Variants in PTPN4 observed in about 807,000 individuals in gnomAD.
PTPN4 encodes tyrosine-protein phosphatase non-receptor type 4.
Under a neutral mutation model 135.5 loss-of-function variants are expected in PTPN4, and 49 were observed. That is an observed-to-expected ratio of 0.36 (90% CI 0.29 to 0.46). PTPN4 has a LOEUF of 0.46. Ranked by LOEUF, PTPN4 falls within the 20% of genes least tolerant of loss-of-function variation. The pLI is 1.00. For synonymous variants in PTPN4, 333 were observed against 369.9 expected (o/e 0.90, Z 1.14); for missense variants, 860 against 1,101.0 (o/e 0.78, Z 3.10).
At chr2:119,796,590 A>G (rs901410768) in intron 1 of PTPN4, among the ~76,000 whole-genome samples, 2 of 152,218 alleles carry the variant, frequency 1.3e-5, no homozygotes, top group African/African-American at 2.4e-5. Context: ...GTCAATTAAT[A>G]TCACATATGA....
intron 3 of PTPN4, among the ~76,000 whole-genome samples, chr2:119,865,361 C>T (rs907243696): frequency 6.6e-6 from 1 of 152,050 alleles, no homozygotes; most frequent in Non-Finnish European, 1.5e-5. Context: ...AAATAATATT[C>T]CATTTTATTC....
intron 5 of PTPN4, among the ~76,000 whole-genome samples, chr2:119,880,599 T>C (rs1006368453): frequency 6.6e-5 from 10 of 151,530 alleles, no homozygotes; most frequent in African/African-American, 2.4e-4. Flanking sequence ...CTGGCTAATT[T>C]TTTTTTTTTT....
At chr2:119,954,636 T>C (rs1011131827) in intron 19 of PTPN4, among the ~76,000 whole-genome samples, 5 of 152,154 alleles carry the variant, frequency 3.3e-5, no homozygotes, top group Non-Finnish European at 5.9e-5. Context: ...AGGCCTAGGA[T>C]CTAGGGTCTG....
At chr2:119,836,253 C>T (rs1178264131) in intron 2 of PTPN4, among the ~76,000 whole-genome samples, 1 of 152,126 alleles carries the variant, frequency 6.6e-6, no homozygotes, top group Non-Finnish European at 1.5e-5. Flanking sequence ...AGCTAGGAGC[C>T]CAGATTTGGC....
At chr2:119,922,237 A>G (rs1678747749) in intron 12 of PTPN4, among the ~76,000 whole-genome samples, 1 of 150,220 alleles carries the variant, frequency 6.7e-6, no homozygotes, top group Admixed American at 6.6e-5. Context: ...AAAAAAAAAA[A>G]AAAGATCGGC....
intron 13 of PTPN4, among the ~76,000 whole-genome samples, chr2:119,928,395 T>C (rs1448682192): frequency 6.6e-6 from 1 of 152,176 alleles, no homozygotes; most frequent in Non-Finnish European, 1.5e-5. Context: ...AATAATAGTT[T>C]ATTACATTAT....
At chr2:119,951,950 A>G (rs1221173083) in intron 18 of PTPN4, 23 bp from the exon 19 acceptor site, 1 of 1,551,720 alleles carries the variant, frequency 6.4e-7, no homozygotes, top group East Asian at 2.3e-5. Context: ...CCAATCTGAA[A>G]CCTTATCTAT....
At chr2:119,940,283 A>C (rs1270852194) in intron 15 of PTPN4, among the ~76,000 whole-genome samples, 1 of 152,244 alleles carries the variant, frequency 6.6e-6, no homozygotes, top group Non-Finnish European at 1.5e-5. Context: ...TCATTATCAG[A>C]ATAAAGTAGC....
At chr2:119,815,690 C>T (rs564341498) in intron 2 of PTPN4, among the ~76,000 whole-genome samples, 1 of 151,882 alleles carries the variant, frequency 6.6e-6, no homozygotes, top group East Asian at 1.9e-4. Context: ...TATTCATGTA[C>T]ATTATTTAAT....
chr2:119,919,513 G>T (rs1247739353), intron 11 of PTPN4, among the ~76,000 whole-genome samples: 2 of 152,106 alleles, frequency 1.3e-5, no homozygotes, highest in South Asian at 4.1e-4. Flanking sequence ...TAAGGTTAAA[G>T]TTCCTAAGAG....
chr2:119,809,829 T>A lies in PTPN4; in HGVS notation c.-17-8T>A, dbSNP rs758414276. 16 of 1,552,846 alleles carry A rather than the reference T, an allele frequency of 1.0e-5. No homozygotes were observed. In the African/African-American group the frequency reaches 2.2e-4, roughly 22 times the overall value. On this transcript the variant is annotated splice_polypyrimidine_tract_variant and splice_region_variant and intron_variant, in intron 1 of 26. Transcript: ENST00000263708. ...TTTATTTAGTGAATTTTTTTTTTTT[T>A]AACTTAGACTTTGTGTGGACAGTAA...
chr2:119,797,041 C>G (rs1054847498), intron 1 of PTPN4, among the ~76,000 whole-genome samples: 1 of 152,024 alleles, frequency 6.6e-6, no homozygotes, highest in Non-Finnish European at 1.5e-5. Context: ...CATCTTTCGC[C>G]TTGTTTTTTT....
intron 2 of PTPN4, among the ~76,000 whole-genome samples, chr2:119,859,261 G>A (rs1677724919): frequency 1.3e-5 from 2 of 152,022 alleles, no homozygotes; most frequent in South Asian, 4.1e-4. Context: ...TCTGTTGATT[G>A]TGTTTTCTTA....
chr2:119,940,637 T>A (rs1414112256), intron 15 of PTPN4, among the ~76,000 whole-genome samples: 6 of 152,090 alleles, frequency 3.9e-5, no homozygotes, highest in Admixed American at 1.3e-4. Context: ...TTTAAAAAAA[T>A]TTTTTGTAGA....
rs565245677 is a variant in PTPN4, at chr2:119,873,151, C to A, written c.247-4172C>A. ...GGACTATAGGCATGCACTACCACAT[C>A]TGGCTAATTTTTTCTGGGTTTTTTT... On this transcript the variant is annotated intron_variant, in intron 3 of 26. Coordinates refer to ENST00000263708, the MANE Select transcript of PTPN4 (RefSeq NM_002830.4). 5.9e-5 allele frequency among the ~76,000 whole-genome samples: 9 copies of A among 151,698 alleles called. No individual in the cohort carries two copies. The South Asian group carries it at 1.7e-3, about 28-fold the overall frequency.
chr2:119,840,555 C>A (rs1322904921), intron 2 of PTPN4, among the ~76,000 whole-genome samples: 1 of 152,162 alleles, frequency 6.6e-6, no homozygotes, highest in African/African-American at 2.4e-5. Flanking sequence ...ACATAGGCAT[C>A]CATGTATCTC....
intron 25 of PTPN4, among the ~76,000 whole-genome samples, chr2:119,966,851 C>A (rs1679452373): frequency 6.6e-6 from 1 of 152,216 alleles, no homozygotes; most frequent in Admixed American, 6.5e-5. Flanking sequence ...ACAGTGACTT[C>A]AGTCTTTACT....
intron 10 of PTPN4, among the ~76,000 whole-genome samples, chr2:119,903,170 G>A (rs1678431997): frequency 1.3e-5 from 2 of 152,110 alleles, no homozygotes; most frequent in South Asian, 4.1e-4. Context: ...GGGAGATGAA[G>A]CATGTGCTCA....
At chr2:119,760,710 GT>G (rs1312079837) in intron 1 of PTPN4, among the ~76,000 whole-genome samples, 1 of 123,748 alleles carries the variant, frequency 8.1e-6, no homozygotes, top group African/African-American at 3.0e-5. Flanking sequence ...GGAATCTTGA[GT>G]TTTCCATTGC....
Sources: allele counts gnomAD v4.1 joint callset (sites outside exome capture counted in the v4.1 genomes callset), GRCh38; gene constraint gnomAD v4.1.1; transcripts MANE v1.5; gene names NCBI Gene and HGNC (gene_info 2026-07-23, HGNC 2026-07-21).